ARPP21: variants seen among roughly 807,000 people sequenced by gnomAD.
ARPP21 encodes cAMP regulated phosphoprotein 21.
Under a neutral mutation model 113.2 loss-of-function variants are expected in ARPP21, and 69 were observed. The ratio of observed to expected loss-of-function variants is 0.61; its 90% CI spans 0.50 to 0.74. The LOEUF (loss-of-function observed/expected upper bound fraction) is 0.74, where lower values mean the gene tolerates loss of function less well. Among genes scored for constraint, ARPP21 ranks in the 30% least tolerant of loss-of-function variants. The pLI is 0.00. For missense variants in ARPP21, 1,070 were observed against 1,037.4 expected (o/e 1.03, Z -0.43); for synonymous variants, 368 against 375.5 (o/e 0.98, Z 0.23).
chr3:35,684,927 TGG>T, intron 5 of ARPP21: 1 of 985,194 alleles, frequency 1.0e-6, no homozygotes, highest in Non-Finnish European at 1.2e-6. Context: ...GAGAAATGTG[TGG>T]CTTTCCTTCA....
At chr3:35,731,420 C>T (rs1306456770) in intron 15 of ARPP21, among the ~76,000 whole-genome samples, 1 of 152,106 alleles carries the variant, frequency 6.6e-6, no homozygotes, top group Non-Finnish European at 1.5e-5. Flanking sequence ...TGTTGAACAG[C>T]TTCTCCATAC....
chr3:35,742,827 T>A (rs1465644521), intron 18 of ARPP21, among the ~76,000 whole-genome samples: 1 of 152,170 alleles, frequency 6.6e-6, no homozygotes. Context: ...GGTACTTCAG[T>A]TGTTATTTTA....
chr3:35,728,487 G>A (rs2093704380), intron 14 of ARPP21, among the ~76,000 whole-genome samples: 1 of 150,430 alleles, frequency 6.6e-6, no homozygotes, highest in African/African-American at 2.4e-5. Context: ...CAAAGTGCTG[G>A]GATTACAGGC....
At position 35,690,115 on chromosome 3, in the gene ARPP21, A is replaced by G. The variant is rs778426534; in HGVS notation, c.520A>G (p.Ile174Val). 1.3e-6 allele frequency: 2 copies of G among 1,494,890 alleles called. No individual in the cohort carries two copies. The highest frequency in any genetic ancestry group is 1.9e-6 in the Non-Finnish European group (2 of 1,072,992). 92.6% of individuals were successfully genotyped at this position (1,494,890 alleles called of 1,614,324 possible). A position where few individuals can be genotyped will look rare whatever the true frequency, so the allele number is the denominator to read the frequency against. Residue 174 changes from isoleucine to valine, a missense_variant, in exon 8 of 21, where the codon ATT (isoleucine) becomes GTT (valine). Coordinates refer to ENST00000684406, the MANE Select transcript of ARPP21 (RefSeq NM_001385562.1). ...GATACTTTTGAAAATGGAGCAGGAAATTATTGATTTCATTGCTGACAACAA... is the reference window on the plus strand; with the variant it reads ...GATACTTTTGAAAATGGAGCAGGAAGTTATTGATTTCATTGCTGACAACAA... ...RMILLKMEQEIIDFIADNNNH... is the reference protein window; with the variant it reads ...RMILLKMEQEVIDFIADNNNH...
intron 15 of ARPP21, among the ~76,000 whole-genome samples, chr3:35,730,081 A>G (rs1435348165): frequency 1.3e-5 from 2 of 152,316 alleles, no homozygotes; most frequent in South Asian, 2.1e-4. Context: ...ATACAGAGAG[A>G]AAATTATTAT....
In ARPP21 at chr3:35,738,251, A is replaced by G. The variant is rs772031430; in HGVS notation, c.1682A>G (p.Gln561Arg). ...QGLQASSQSV[Q>R]YPAVSFPPQH... ...CTGCAGGCTTCCTCCCAGTCAGTGCAATATCCAGCAGTCTCTTTTCCTCCC... is the reference window on the plus strand; with the variant it reads ...CTGCAGGCTTCCTCCCAGTCAGTGCGATATCCAGCAGTCTCTTTTCCTCCC... The change falls in exon 17 of 21, where the codon CAA becomes CGA. Residue 561 changes from glutamine to arginine, a missense_variant. Coordinates refer to ENST00000684406, the MANE Select transcript of ARPP21 (RefSeq NM_001385562.1). The G allele has an allele frequency of 6.3e-4, 972 of 1,536,218 alleles. No homozygotes were observed. The highest frequency in any genetic ancestry group is 7.9e-4 in the Non-Finnish European group (903 of 1,146,848).
chr3:35,654,382 G>A (rs1309651273), intron 1 of ARPP21, among the ~76,000 whole-genome samples: 1 of 151,978 alleles, frequency 6.6e-6, no homozygotes, highest in Non-Finnish European at 1.5e-5. Flanking sequence ...GTAAACTCAG[G>A]GAAAGGCACT....
At chr3:35,762,126 T>TCACA (rs371775285) in intron 19 of ARPP21, among the ~76,000 whole-genome samples, 124 of 127,030 alleles carry the variant, frequency 9.8e-4, no homozygotes, top group East Asian at 3.5e-3. Context: ...TCTCTCTCTC[T>TCACA]CACACACACA....
intron 9 of ARPP21, among the ~76,000 whole-genome samples, chr3:35,700,879 AG>A (rs1414386467): frequency 6.6e-5 from 10 of 151,500 alleles, no homozygotes; most frequent in African/African-American, 2.4e-4. Flanking sequence ...CATGTCGGGC[AG>A]TGGGGGGCTG....
chr3:35,675,972 T>C (rs970204210), intron 1 of ARPP21, among the ~76,000 whole-genome samples: 64 of 151,934 alleles, frequency 4.2e-4, no homozygotes, highest in African/African-American at 1.5e-3. Context: ...TCCCCTCTTA[T>C]AGTATCATTT....
chr3:35,661,815 T>A (rs900489494), intron 1 of ARPP21, among the ~76,000 whole-genome samples: 4 of 152,164 alleles, frequency 2.6e-5, no homozygotes, highest in Non-Finnish European at 4.4e-5. Context: ...TTGTTCCATG[T>A]GTATAAAGGA....
chr3:35,644,359 A>G (rs1361569062), intron 1 of ARPP21, among the ~76,000 whole-genome samples: 2 of 151,936 alleles, frequency 1.3e-5, no homozygotes, highest in Non-Finnish European at 2.9e-5. Flanking sequence ...ATCATAACCA[A>G]TGATCTATGA....
At chr3:35,746,386 G>A (rs564359570) in intron 19 of ARPP21, among the ~76,000 whole-genome samples, 2 of 152,306 alleles carry the variant, frequency 1.3e-5, no homozygotes, top group Admixed American at 1.3e-4. Context: ...AAATGGTCAT[G>A]GCAGTCATTT....
intron 19 of ARPP21, among the ~76,000 whole-genome samples, chr3:35,752,380 G>T (rs182135876): frequency 3.9e-4 from 59 of 152,068 alleles, no homozygotes; most frequent in African/African-American, 1.3e-3. Context: ...GTTGGAGGGG[G>T]TCAGCCTGTC....
At chr3:35,741,915 C>A (rs2094688401) in intron 18 of ARPP21, among the ~76,000 whole-genome samples, 1 of 152,078 alleles carries the variant, frequency 6.6e-6, no homozygotes, top group Non-Finnish European at 1.5e-5. Flanking sequence ...AAGAGCTAAC[C>A]AAAGCGCCAC....
chr3:35,786,328 C>T (rs1330460879), intron 19 of ARPP21, among the ~76,000 whole-genome samples: 1 of 152,032 alleles, frequency 6.6e-6, no homozygotes, highest in African/African-American at 2.4e-5. Flanking sequence ...TCGAGACCAT[C>T]CTGGCCAACA....
intron 1 of ARPP21, among the ~76,000 whole-genome samples, chr3:35,652,345 T>A (rs1203306776): frequency 6.6e-6 from 1 of 152,064 alleles, no homozygotes; most frequent in African/African-American, 2.4e-5. Flanking sequence ...ATAAAACCAA[T>A]GGTTATATCC....
intron 1 of ARPP21, among the ~76,000 whole-genome samples, chr3:35,648,024 A>C (rs887573034): frequency 3.3e-5 from 5 of 152,250 alleles, no homozygotes; most frequent in Non-Finnish European, 5.9e-5. Context: ...CCATTTAAGA[A>C]AAAAAAATAT....
chr3:35,645,872 A>T (rs1700017709), intron 1 of ARPP21, among the ~76,000 whole-genome samples: 1 of 152,022 alleles, frequency 6.6e-6, no homozygotes, highest in Non-Finnish European at 1.5e-5. Context: ...CACTAAAAAA[A>T]AATAGTTTAT....
Sources: gnomAD v4.1 joint callset for allele counts (sites outside exome capture counted in the v4.1 genomes callset) on GRCh38, gnomAD v4.1.1 for gene constraint, MANE v1.5 for transcripts, NCBI Gene and HGNC (gene_info 2026-07-23, HGNC 2026-07-21) for gene names.